ZNF589: variants seen among roughly 807,000 people sequenced by gnomAD.
ZNF589 encodes KRAB-zinc finger protein SZF1-1.
ZNF589 carries 17 observed loss-of-function variants against 13.6 expected under a neutral mutation model. The ratio of observed to expected loss-of-function variants is 1.25; its 90% CI spans 0.86 to 1.88. ZNF589 has a LOEUF of 1.88. ZNF589 is among the 40% of genes most tolerant of loss of function. The pLI is 0.00. For synonymous variants in ZNF589, 148 were observed against 161.6 expected, an observed-to-expected ratio of 0.92 and a Z score of 0.64; for missense variants, 407 against 434.0, an observed-to-expected ratio of 0.94 and a Z score of 0.55.
chr3:48,250,942 G>C (rs576535884), intron 2 of ZNF589, among the ~76,000 whole-genome samples: 1 of 151,702 alleles, frequency 6.6e-6, no homozygotes, highest in Non-Finnish European at 1.5e-5. Flanking sequence ...GTGGAGACGG[G>C]GTTTCACCAT....
chr3:48,263,164 C>T (rs1270563369), intron 3 of ZNF589, among the ~76,000 whole-genome samples: 3 of 151,370 alleles, frequency 2.0e-5, no homozygotes. Flanking sequence ...GGCTGGAGTG[C>T]AATGGTGCAA....
At chr3:48,251,572 A>G (rs1440789812) in intron 2 of ZNF589, among the ~76,000 whole-genome samples, 1 of 151,638 alleles carries the variant, frequency 6.6e-6, no homozygotes, top group Non-Finnish European at 1.5e-5. Flanking sequence ...AAAAAAAAAG[A>G]AACTGTTTAA....
In ZNF589 at chr3:48,268,538, C is replaced by T. The variant is rs552108812; in HGVS notation, c.847C>T (p.Arg283Ter). The change falls in exon 4 of 4, where the codon CGA becomes TGA. Residue 283 changes from arginine to a stop codon, truncating the protein, a stop_gained. Coordinates refer to ENST00000354698, the MANE Select transcript of ZNF589 (RefSeq NM_016089.3). LOFTEE classifies it low-confidence loss of function (END_TRUNC). ...EKPYVCGECG[R>*]GFIVESVLRN... ...GCCTTATGTCTGCGGAGAGTGTGGG[C>T]GAGGCTTTATAGTTGAGTCAGTCCT... 2.9e-5 allele frequency: 47 copies of T among 1,613,884 alleles called. No individual in the cohort carries two copies. Among genetic ancestry groups the T allele is most frequent in the South Asian group, 7.7e-5 (7 of 91,074 alleles).
intron 3 of ZNF589, among the ~76,000 whole-genome samples, chr3:48,264,674 C>G (rs538637235): frequency 1.3e-5 from 2 of 151,636 alleles, no homozygotes; most frequent in East Asian, 3.9e-4. Flanking sequence ...ACTAAAAATA[C>G]AAAAATTAGC....
chr3:48,249,213 C>T (rs2033807134), intron 2 of ZNF589, among the ~76,000 whole-genome samples: 1 of 152,040 alleles, frequency 6.6e-6, no homozygotes, highest in Non-Finnish European at 1.5e-5. Context: ...AGCGATTCTC[C>T]TGCCTCAGCC....
At chr3:48,253,498 C>CTTTTTTTTTTTTTT (rs59231973) in intron 2 of ZNF589, among the ~76,000 whole-genome samples, 1 of 95,322 alleles carries the variant, frequency 1.0e-5, no homozygotes, top group Non-Finnish European at 2.1e-5. Flanking sequence ...TCATATTTTT[C>CTTTTTTTTTTTTTT]TTTTTTTTTT....
At chr3:48,266,558 G>A (rs1463739142) in intron 3 of ZNF589, among the ~76,000 whole-genome samples, 1 of 152,212 alleles carries the variant, frequency 6.6e-6, no homozygotes, top group Admixed American at 6.5e-5. Context: ...GGGCGCCGTG[G>A]CTCACGCCTG....
chr3:48,241,152 G>C lies in ZNF589; in HGVS notation c.-20G>C. 1 of 1,600,422 alleles carries C rather than the reference G, an allele frequency of 6.2e-7. No homozygotes were observed. Among genetic ancestry groups the C allele is most frequent in the Non-Finnish European group, 8.5e-7 (1 of 1,173,412 alleles). ...ACGGTGCTGCTACCTCGTTTGCTTC[G>C]TGCGTGCGTGCGCGCGCAGATGTGG... On this transcript the variant is annotated 5_prime_UTR_variant, in exon 1 of 4. Coordinates refer to ENST00000354698, the MANE Select transcript of ZNF589 (RefSeq NM_016089.3).
At chr3:48,245,535 C>G (rs933766822) in intron 1 of ZNF589, among the ~76,000 whole-genome samples, 14 of 152,228 alleles carry the variant, frequency 9.2e-5, no homozygotes, top group African/African-American at 3.4e-4. Flanking sequence ...AGACTCTGTC[C>G]CTTCTACAAA....
rs1311428889 is a variant in ZNF589 at position 48,268,580 on chromosome 3, A to G, written c.889A>G (p.Thr297Ala). The change falls in exon 4 of 4, where the codon ACA becomes GCA. Residue 297 changes from threonine (T) to alanine (A), a missense_variant. Thr to Ala is a moderately conservative substitution (Grantham distance 58). Transcript: ENST00000354698. ...VESVLRNHLS[T>A]HSGEKPYVCS... The stretch of plus-strand genomic sequence containing the variant: ...GTCAGTCCTCCGCAACCACCTGAGT[A>G]CACACTCCGGGGAGAAACCTTATGT... 1 of 1,613,896 alleles carries G rather than the reference A, an allele frequency of 6.2e-7. No homozygotes were observed. The highest frequency in any genetic ancestry group is 2.2e-5 in the East Asian group (1 of 44,862).
At chr3:48,257,633 C>T (rs536319383) in intron 2 of ZNF589, among the ~76,000 whole-genome samples, 1 of 152,072 alleles carries the variant, frequency 6.6e-6, no homozygotes, top group South Asian at 2.1e-4. Context: ...TCTAAGAACT[C>T]TTTGCCAAGC....
chr3:48,254,294 C>T (rs901062867), intron 2 of ZNF589, among the ~76,000 whole-genome samples: 7 of 152,080 alleles, frequency 4.6e-5, no homozygotes, highest in Admixed American at 1.3e-4. Flanking sequence ...ATGTTTGTGT[C>T]GGTCATTTCT....
At chr3:48,264,256 C>T (rs1322186280) in intron 3 of ZNF589, among the ~76,000 whole-genome samples, 1 of 151,986 alleles carries the variant, frequency 6.6e-6, no homozygotes, top group Non-Finnish European at 1.5e-5. Flanking sequence ...AGGAAGAGGC[C>T]GGGCATGGTG....
Position 48,268,099 on chromosome 3 carries a change from TCA to T in ZNF589, c.411_412del (p.His137GlnfsTer4). On this transcript the variant is annotated frameshift_variant, in exon 4 of 4. Transcript: ENST00000354698. LOFTEE classifies it low-confidence loss of function (END_TRUNC). ...PQSQHPSDKN[H>X]RGAEAEDQRV... The stretch of plus-strand genomic sequence containing the variant: ...AGTCACAACATCCTTCTGATAAAAA[TCA>T]CAGGGGGGCTGAAGCAGAAGATCAA... 1 of 1,614,094 alleles carries T rather than the reference TCA, an allele frequency of 6.2e-7. No individual in the cohort carries two copies. Among genetic ancestry groups the T allele is most frequent in the Admixed American group, 1.7e-5 (1 of 60,010 alleles).
chr3:48,257,388 T>C (rs1039169804), intron 2 of ZNF589, among the ~76,000 whole-genome samples: 3 of 151,968 alleles, frequency 2.0e-5, no homozygotes. Flanking sequence ...GCCTCCCGAG[T>C]AGCTGGAATT....
Position 48,268,233 on chromosome 3 carries a change from G to A in ZNF589, c.542G>A (p.Gly181Asp), listed in dbSNP as rs899454876. 6.2e-7 allele frequency: 1 copy of A among 1,605,456 alleles called. No homozygotes were observed. The highest frequency in any genetic ancestry group is 1.7e-5 in the Admixed American group (1 of 59,328). ...AGACCACCAATAAGCTCTTGGGGAG[G>A]CAACAGAATATTAGAGATACAGCTC... is the stretch of plus-strand genomic sequence containing the variant. ...FQRPPISSWG[G>D]NRILEIQLSP... Residue 181 changes from glycine to aspartate, a missense_variant, in exon 4 of 4, where the codon GGC (glycine) becomes GAC (aspartate). Physicochemically the swap from Gly to Asp is moderately conservative, Grantham distance 94. Transcript: ENST00000354698.
In ZNF589 at chr3:48,268,017, G is replaced by T; in HGVS notation, c.326G>T (p.Gly109Val). 1 of 1,614,148 alleles carries T rather than the reference G, an allele frequency of 6.2e-7. No homozygotes were observed. The highest frequency in any genetic ancestry group is 1.6e-4 in the Middle Eastern group (1 of 6,062). Residue 109 changes from glycine to valine, a missense_variant, in exon 4 of 4, where the codon GGT becomes GTT. Transcript: ENST00000354698. The stretch of plus-strand genomic sequence containing the variant: ...GAGCTACACAATCATCCTATTCCAG[G>T]TTTCCATGCAGGAAATCAACTCCAC... ...QDELHNHPIPGFHAGNQLHPG... is the reference protein window; with the variant it reads ...QDELHNHPIPVFHAGNQLHPG...
At chr3:48,258,482 C>G (rs2033933815) in intron 2 of ZNF589, among the ~76,000 whole-genome samples, 1 of 152,170 alleles carries the variant, frequency 6.6e-6, no homozygotes, top group Non-Finnish European at 1.5e-5. Context: ...GTAATTTTAT[C>G]TCTTCCTTAC....
intron 2 of ZNF589, among the ~76,000 whole-genome samples, chr3:48,254,188 G>A (rs2033871546): frequency 6.6e-6 from 1 of 152,024 alleles, no homozygotes; most frequent in African/African-American, 2.4e-5. Flanking sequence ...CCCAGGAAGT[G>A]GAGGTTGCGG....
Sources: gnomAD v4.1 joint callset for allele counts (sites outside exome capture counted in the v4.1 genomes callset) on GRCh38, gnomAD v4.1.1 for gene constraint, MANE v1.5 for transcripts, NCBI Gene and HGNC (gene_info 2026-07-23, HGNC 2026-07-21) for gene names.